PTGR1: variants seen among roughly 807,000 people sequenced by gnomAD.
PTGR1 encodes prostaglandin reductase 1.
PTGR1 carries 23 observed loss-of-function variants against 37.7 expected under a neutral mutation model. The observed-to-expected ratio is 0.61, with a 90% CI of 0.44 to 0.86. PTGR1 has a LOEUF of 0.86. PTGR1 is among the 40% of genes least tolerant of loss of function. The probability of loss-of-function intolerance (pLI) is 0.00; values close to 1 mark genes in which losing one functional copy is unlikely to be tolerated. For synonymous variants in PTGR1, 134 were observed against 140.0 expected, an observed-to-expected ratio of 0.96 and a Z score of 0.30; for missense variants, 351 against 394.3, an observed-to-expected ratio of 0.89 and a Z score of 0.93.
chr9:111,568,887 G>C (rs1828690033), intron 9 of PTGR1, among the ~76,000 whole-genome samples: 1 of 152,194 alleles, frequency 6.6e-6, no homozygotes, highest in Non-Finnish European at 1.5e-5. Flanking sequence ...TAGCAGGGAG[G>C]TGGGAGAAGT....
chr9:111,594,546 A>ATTT (rs1554820447), intron 2 of PTGR1, among the ~76,000 whole-genome samples: 2 of 127,420 alleles, frequency 1.6e-5, no homozygotes, highest in Non-Finnish European at 3.4e-5. Flanking sequence ...CGTTTTTGGC[A>ATTT]TTCTTTTTTT....
chr9:111,587,357 A>G (rs1829466759), intron 4 of PTGR1, among the ~76,000 whole-genome samples: 1 of 152,230 alleles, frequency 6.6e-6, no homozygotes, highest in Non-Finnish European at 1.5e-5. Context: ...CAAAAATATC[A>G]GTTCTAATCT....
intron 7 of PTGR1, among the ~76,000 whole-genome samples, chr9:111,575,060 G>A (rs1385945079): frequency 6.6e-6 from 1 of 152,172 alleles, no homozygotes; most frequent in South Asian, 2.1e-4. Context: ...CAACACTTTG[G>A]AAGGTTGAGG....
chr9:111,566,845 A>C (rs531531029), intron 9 of PTGR1, among the ~76,000 whole-genome samples: 1 of 152,154 alleles, frequency 6.6e-6, no homozygotes, highest in South Asian at 2.1e-4. Context: ...TATAGTATAT[A>C]TTATGTTAAA....
At chr9:111,597,492 T>TA in intron 1 of PTGR1, 60 bp from the exon 2 acceptor site, 1 of 1,076,948 alleles carries the variant, frequency 9.3e-7, no homozygotes, top group Non-Finnish European at 1.4e-6. Context: ...AACAGTTCTC[T>TA]AGCCGTCAAA....
At chr9:111,564,636 A>T (rs1023302005) in intron 9 of PTGR1, among the ~76,000 whole-genome samples, 1 of 151,864 alleles carries the variant, frequency 6.6e-6, no homozygotes, top group African/African-American at 2.4e-5. Context: ...GAAAGCCCCA[A>T]CTCATTCTTA....
At chr9:111,570,948 G>A (rs947384819) in intron 8 of PTGR1, among the ~76,000 whole-genome samples, 1 of 152,060 alleles carries the variant, frequency 6.6e-6, no homozygotes, top group African/African-American at 2.4e-5. Context: ...AGAGGAGGAG[G>A]AGGAAGAGCC....
intron 5 of PTGR1, among the ~76,000 whole-genome samples, chr9:111,584,674 T>C (rs563292665): frequency 5.0e-4 from 76 of 152,146 alleles, no homozygotes; most frequent in African/African-American, 1.7e-3. Flanking sequence ...ATCTCAAAAC[T>C]TAGAGAAAGG....
At chr9:111,563,392 A>G in intron 9 of PTGR1, 161 bp from the exon 10 acceptor site, 1 of 633,418 alleles carries the variant, frequency 1.6e-6, no homozygotes, top group Non-Finnish European at 2.6e-6. Flanking sequence ...GTGGGGCAAG[A>G]TCCACTTACA....
chr9:111,554,603 AC>A (rs1445142987), intron 9 of PTGR1, among the ~76,000 whole-genome samples: 2 of 152,212 alleles, frequency 1.3e-5, no homozygotes, highest in African/African-American at 2.4e-5. Context: ...CTACTAAGTG[AC>A]TAACAGACAG....
rs1228152836 is a variant in PTGR1, at chr9:111,583,595, G to A, written c.378-6C>T. On this transcript the variant is annotated splice_region_variant and splice_polypyrimidine_tract_variant and intron_variant, in intron 5 of 9. Transcript: ENST00000407693. The stretch of plus-strand genomic sequence containing the variant: ...GGCCAAAGTAGGCAGTCAGGCTAAA[G>A]GAAGAAAATTAAGGATATATGAATA... 1.9e-6 allele frequency: 3 copies of A among 1,577,310 alleles called. No individual in the cohort carries two copies. In the South Asian group the frequency reaches 3.3e-5, roughly 17 times the overall value.
At chr9:111,578,378 T>C (rs1829152735) in intron 7 of PTGR1, among the ~76,000 whole-genome samples, 2 of 152,058 alleles carry the variant, frequency 1.3e-5, no homozygotes, top group African/African-American at 2.4e-5. Flanking sequence ...ACCATAACCA[T>C]AGAATCAGTG....
chr9:111,554,098 C>T (rs1306004299), intron 9 of PTGR1, among the ~76,000 whole-genome samples: 1 of 152,244 alleles, frequency 6.6e-6, no homozygotes, highest in African/African-American at 2.4e-5. Context: ...AGATCTCACA[C>T]AGGCTTCCCA....
At chr9:111,576,585 C>T in intron 7 of PTGR1, 4 of 658,934 alleles carry the variant, frequency 6.1e-6, no homozygotes, top group Non-Finnish European at 9.9e-6. Flanking sequence ...CTTAACACTT[C>T]TGAACCTCCT....
chr9:111,553,105 T>G (rs548248872), intron 9 of PTGR1, among the ~76,000 whole-genome samples: 1 of 152,344 alleles, frequency 6.6e-6, no homozygotes, highest in African/African-American at 2.4e-5. Context: ...TATTCTTTTT[T>G]GACTTACACT....
rs575763277 is a variant in PTGR1, at chr9:111,585,160, G to A, written c.377+838C>T. Among the ~76,000 whole-genome samples the A allele has an allele frequency of 1.1e-4, 16 of 152,286 alleles. No individual in the cohort carries two copies. In the East Asian group the frequency reaches 3.1e-3, roughly 29 times the overall value. On this transcript the variant is annotated intron_variant, in intron 5 of 9. Coordinates refer to ENST00000407693, the MANE Select transcript of PTGR1 (RefSeq NM_001146108.2). Reference sequence around the variant, plus strand: ...TGAATAGAAGGCAGTGAGAGGCACAGGCAGCATTTTTTTCTAAGAATCCAA... The same window carrying A: ...TGAATAGAAGGCAGTGAGAGGCACAAGCAGCATTTTTTTCTAAGAATCCAA...
At chr9:111,580,265 A>G (rs1423312504) in intron 6 of PTGR1, among the ~76,000 whole-genome samples, 3 of 152,154 alleles carry the variant, frequency 2.0e-5, no homozygotes, top group African/African-American at 7.2e-5. Context: ...TAGGTCCCTC[A>G]TAAATAGTGT....
intron 9 of PTGR1, among the ~76,000 whole-genome samples, chr9:111,566,156 T>C (rs1828551876): frequency 6.6e-6 from 1 of 152,044 alleles, no homozygotes; most frequent in Admixed American, 6.6e-5. Flanking sequence ...TGAGCTGAGA[T>C]CGCGCCACTG....
Position 111,563,121 on chromosome 9 carries a change from T to G in PTGR1, c.990A>C (p.Ter330CysextTer14), listed in dbSNP as rs544559218. The change falls in exon 10 of 10, where the codon TGA becomes TGC. Residue 330 changes from the stop codon to cysteine, a stop_lost. Coordinates refer to ENST00000407693, the MANE Select transcript of PTGR1 (RefSeq NM_001146108.2). Reference sequence around the variant, plus strand: ...CTCCAGATTCCATGTGTCCTCTTTTTCATGCTTTCACTATTGTCTTCCCCA... The same window carrying G: ...CTCCAGATTCCATGTGTCCTCTTTTGCATGCTTTCACTATTGTCTTCCCCA... Reference protein sequence around the residue: ...DNLGKTIVKA* With the variant: ...DNLGKTIVKAC 1.8e-5 allele frequency: 29 copies of G among 1,612,580 alleles called. No individual in the cohort carries two copies. The highest frequency in any genetic ancestry group is 3.3e-4 in the Middle Eastern group (2 of 6,070).
Sources: allele counts gnomAD v4.1 joint callset (sites outside exome capture counted in the v4.1 genomes callset), GRCh38; gene constraint gnomAD v4.1.1; transcripts MANE v1.5; gene names NCBI Gene and HGNC (gene_info 2026-07-23, HGNC 2026-07-21).